PSME4: variants seen among roughly 807,000 people sequenced by gnomAD.
PSME4 encodes proteasome activator subunit 4.
In PSME4, 89 loss-of-function variants were observed where a neutral mutation model predicts 253.9. The ratio of observed to expected loss-of-function variants is 0.35; its 90% confidence interval spans 0.30 to 0.42. PSME4 has a LOEUF of 0.42. PSME4 is among the 10% of genes least tolerant of loss of function. The pLI is 1.00. For missense variants in PSME4, 2,014 were observed against 2,195.2 expected (o/e 0.92, Z 1.65); for synonymous variants, 851 against 759.2 (o/e 1.12, Z -1.99).
At chr2:53,901,114 C>G (rs1460719518) in intron 28 of PSME4, among the ~76,000 whole-genome samples, 2 of 152,112 alleles carry the variant, frequency 1.3e-5, no homozygotes, top group East Asian at 3.9e-4. Context: ...ATCAATAACC[C>G]TTTGTGGAGC....
chr2:53,951,042 C>T (rs1669963296), intron 1 of PSME4, among the ~76,000 whole-genome samples: 2 of 152,064 alleles, frequency 1.3e-5, no homozygotes, highest in African/African-American at 4.8e-5. Context: ...AGATCTTTAA[C>T]ACTCCCCCAG....
At chr2:53,965,495 C>T (rs1175108564) in intron 1 of PSME4, among the ~76,000 whole-genome samples, 7 of 151,900 alleles carry the variant, frequency 4.6e-5, no homozygotes, top group Non-Finnish European at 1.0e-4. Flanking sequence ...GGATTACAGG[C>T]GTGAGCCGCC....
intron 3 of PSME4, among the ~76,000 whole-genome samples, chr2:53,944,262 G>A (rs1669597563): frequency 6.6e-6 from 1 of 152,030 alleles, no homozygotes; most frequent in African/African-American, 2.4e-5. Context: ...AGGTTCCAGT[G>A]ATTCTCCTGC....
At chr2:53,917,446 G>C (rs1404129674) in intron 20 of PSME4, among the ~76,000 whole-genome samples, 1 of 151,972 alleles carries the variant, frequency 6.6e-6, no homozygotes, top group Non-Finnish European at 1.5e-5. Flanking sequence ...TATTTCAAAG[G>C]ATAAAGCCTT....
intron 20 of PSME4, among the ~76,000 whole-genome samples, chr2:53,914,859 C>T (rs968265248): frequency 6.6e-6 from 1 of 152,124 alleles, no homozygotes; most frequent in African/African-American, 2.4e-5. Context: ...CCAGCCTGGG[C>T]AACGAGTGAA....
chr2:53,952,306 G>C (rs1393201504), intron 1 of PSME4, among the ~76,000 whole-genome samples: 2 of 152,148 alleles, frequency 1.3e-5, no homozygotes, highest in African/African-American at 2.4e-5. Context: ...ACTTTGGGAG[G>C]CCGAGGCAGA....
chr2:53,932,855 G>C (rs1476271082), intron 8 of PSME4, 95 bp from the exon 9 acceptor site: 1 of 855,648 alleles, frequency 1.2e-6, no homozygotes, highest in African/African-American at 1.7e-5. Flanking sequence ...CACTAATACA[G>C]TTTATAGTCA....
chr2:53,945,193 CA>C, intron 3 of PSME4, among the ~76,000 whole-genome samples: 1 of 152,280 alleles, frequency 6.6e-6, no homozygotes, highest in East Asian at 1.9e-4. Context: ...TTGTTAGTAG[CA>C]ACACCATTAG....
At chr2:53,877,674 G>C (rs1187842530) in intron 41 of PSME4, among the ~76,000 whole-genome samples, 1 of 152,110 alleles carries the variant, frequency 6.6e-6, no homozygotes, top group East Asian at 1.9e-4. Context: ...CTAGATTAGA[G>C]ACAGTCTTGC....
intron 44 of PSME4, among the ~76,000 whole-genome samples, chr2:53,867,161 C>A (rs1678604022): frequency 6.6e-6 from 1 of 152,036 alleles, no homozygotes; most frequent in East Asian, 1.9e-4. Flanking sequence ...GAATTTGAGA[C>A]CAGCCAGGGC....
At chr2:53,968,933 G>A (rs1202343681) in intron 1 of PSME4, among the ~76,000 whole-genome samples, 1 of 152,174 alleles carries the variant, frequency 6.6e-6, no homozygotes, top group African/African-American at 2.4e-5. Flanking sequence ...ATCCAAAGCA[G>A]ATATGCCTTC....
intron 28 of PSME4, 57 bp downstream of exon 28, chr2:53,901,293 C>T: frequency 4.9e-6 from 7 of 1,434,954 alleles, no homozygotes; most frequent in South Asian, 1.2e-5. Flanking sequence ...AAATAAAGGG[C>T]ATTTTAACAA....
At chr2:53,962,367 G>T (rs1573384140) in intron 1 of PSME4, among the ~76,000 whole-genome samples, 1 of 124,596 alleles carries the variant, frequency 8.0e-6, no homozygotes, top group Non-Finnish European at 1.6e-5. Flanking sequence ...GTTCTTAGAA[G>T]TTATATAGTT....
At chr2:53,947,067 G>C (rs925536653) in intron 3 of PSME4, among the ~76,000 whole-genome samples, 2 of 152,152 alleles carry the variant, frequency 1.3e-5, no homozygotes, top group Non-Finnish European at 2.9e-5. Flanking sequence ...TTTAACACAT[G>C]AAACTTTCAA....
Position 53,920,331 on chromosome 2 carries a change from T to C in PSME4, c.2282A>G (p.Asp761Gly). 5 of 1,612,806 alleles carry C rather than the reference T, an allele frequency of 3.1e-6. No homozygotes were observed. The highest frequency in any genetic ancestry group is 1.7e-6 in the Non-Finnish European group (2 of 1,179,324). The change falls in exon 19 of 47, where the codon GAC becomes GGC. Residue 761 changes from aspartate (D) to glycine (G), a missense_variant. Physicochemically the swap from Asp to Gly is moderately conservative, Grantham distance 94. Coordinates refer to ENST00000404125, the MANE Select transcript of PSME4 (RefSeq NM_014614.3). Reference protein sequence around the residue: ...FPIKDWGKPGDLWNLGIQWHV... With the variant: ...FPIKDWGKPGGLWNLGIQWHV... ...CCACTGGATTCCCAGATTCCACAAG[T>C]CCCCGGGTTTGCCCCAGTCCTAGAA...
In PSME4 at chr2:53,888,702, G is replaced by C. The variant is rs1313938171; in HGVS notation, c.4388+19C>G. The C allele has an allele frequency of 6.4e-7, 1 of 1,562,940 alleles. No individual in the cohort carries two copies. Among genetic ancestry groups the C allele is most frequent in the Non-Finnish European group, 8.8e-7 (1 of 1,134,874 alleles). The stretch of plus-strand genomic sequence containing the variant: ...AAAACCTTTCGTGTTAACCTCATAG[G>C]TTTTTTAAAAAAATTTACCATGCAT... On this transcript the variant is annotated intron_variant, in intron 38 of 46. Transcript: ENST00000404125.
chr2:53,967,905 A>T (rs998268177), intron 1 of PSME4, among the ~76,000 whole-genome samples: 2 of 152,164 alleles, frequency 1.3e-5, no homozygotes, highest in African/African-American at 4.8e-5. Context: ...AAAGATACAC[A>T]CAATGACTGA....
intron 22 of PSME4, 70 bp from the exon 23 acceptor site, chr2:53,908,635 G>GCC: frequency 1.3e-6 from 2 of 1,507,832 alleles, no homozygotes; most frequent in Non-Finnish European, 1.8e-6. Context: ...TGAGGCATTA[G>GCC]TCAAGAATCT....
chr2:53,922,706 TA>T, intron 16 of PSME4, 122 bp from the exon 17 acceptor site: 1 of 1,209,862 alleles, frequency 8.3e-7, no homozygotes, highest in South Asian at 1.7e-5. Flanking sequence ...GAAGACTTTT[TA>T]TTTCTTCTTC....
Sources: allele counts gnomAD v4.1 joint callset (sites outside exome capture counted in the v4.1 genomes callset), GRCh38; gene constraint gnomAD v4.1.1; transcripts MANE v1.5; gene names NCBI Gene and HGNC (gene_info 2026-07-23, HGNC 2026-07-21).